Variants in BRAF observed in about 807,000 individuals in gnomAD.
The protein encoded by BRAF is B-Raf proto-oncogene, serine/threonine kinase.
BRAF carries 16 observed loss-of-function variants against 104.6 expected under a neutral mutation model. The observed-to-expected ratio is 0.15, with a 90% CI of 0.10 to 0.23. The LOEUF (loss-of-function observed/expected upper bound fraction) is 0.23. Ranked by LOEUF, BRAF falls within the 10% of genes least tolerant of loss-of-function variation. The pLI is 1.00. For missense variants in BRAF, 541 were observed against 937.3 expected (o/e 0.58, Z 5.52); for synonymous variants, 310 against 341.6 (o/e 0.91, Z 1.02).
At chr7:140,772,618 ACT>A (rs1204849962) in intron 14 of BRAF, among the ~76,000 whole-genome samples, 2 of 151,900 alleles carry the variant, frequency 1.3e-5, no homozygotes, top group South Asian at 2.1e-4. Context: ...GAGGAGTGAG[ACT>A]CTGTCTCAAA....
At chr7:140,877,293 T>TG (rs34320657) in intron 1 of BRAF, among the ~76,000 whole-genome samples, 8,477 of 68,614 alleles carry the variant, frequency 0.12, 496 homozygotes, top group Middle Eastern at 0.16. Context: ...TTTTAAGAGA[T>TG]GGGGGGGGGG....
intron 1 of BRAF, among the ~76,000 whole-genome samples, chr7:140,856,243 C>G (rs887940680): frequency 1.3e-5 from 2 of 151,072 alleles, no homozygotes; most frequent in African/African-American, 4.9e-5. Flanking sequence ...ATAATTGTTA[C>G]GAAAGGTGGG....
intron 8 of BRAF, among the ~76,000 whole-genome samples, chr7:140,788,929 C>T (rs921050532): frequency 2.0e-5 from 3 of 151,334 alleles, no homozygotes; most frequent in African/African-American, 7.3e-5. Context: ...GCTCTTTATG[C>T]GCCGGGTGCG....
chr7:140,924,642 C>T lies in BRAF; in HGVS notation c.62G>A (p.Gly21Glu). 6.8e-7 allele frequency: 1 copy of T among 1,480,036 alleles called. No homozygotes were observed. The highest frequency in any genetic ancestry group is 9.1e-7 in the Non-Finnish European group (1 of 1,100,110). The allele number at this position is 1,480,036 out of a possible 1,614,324, so 91.7% of individuals were successfully genotyped here. A position where few individuals can be genotyped will look rare whatever the true frequency, so the allele number is the denominator to read the frequency against. Residue 21 changes from glycine (G) to glutamate (E), a missense_variant, in exon 1 of 20, where the codon GGG becomes GAG. Coordinates refer to ENST00000644969, the MANE Select transcript of BRAF (RefSeq NM_001374258.1). The surrounding 1 kb of genome is among the most constrained non-coding windows in gnomAD (Gnocchi z 4.2). The part of the protein sequence containing the change: ...GAEPGQALFN[G>E]DMEPEAGAGA... ...GGCGCCGGCCTCGGGCTCCATGTCC[C>T]CGTTGAACAGAGCCTGGCCCGGCTC...
At chr7:140,898,216 A>T (rs568406180) in intron 1 of BRAF, among the ~76,000 whole-genome samples, 44 of 152,294 alleles carry the variant, frequency 2.9e-4, no homozygotes, top group African/African-American at 1.0e-3. Flanking sequence ...AAATAAATAA[A>T]AATACAAATA....
intron 14 of BRAF, among the ~76,000 whole-genome samples, chr7:140,761,426 G>A (rs1798719256): frequency 6.6e-6 from 1 of 152,096 alleles, no homozygotes; most frequent in Non-Finnish European, 1.5e-5. Flanking sequence ...ACCAGCCACT[G>A]CAAAATCATG....
chr7:140,888,367 T>C (rs181221344), intron 1 of BRAF, among the ~76,000 whole-genome samples: 7 of 151,886 alleles, frequency 4.6e-5, no homozygotes, highest in Non-Finnish European at 7.4e-5. Flanking sequence ...ATGGATTATG[T>C]TACCAAGTTT....
intron 3 of BRAF, among the ~76,000 whole-genome samples, chr7:140,810,439 G>A (rs1311728485): frequency 3.3e-5 from 5 of 152,164 alleles, no homozygotes; most frequent in East Asian, 1.9e-4. Context: ...GCAGAGCGGC[G>A]GGCGCCTATA....
intron 17 of BRAF, among the ~76,000 whole-genome samples, chr7:140,742,944 T>C (rs1489230038): frequency 1.3e-5 from 2 of 151,960 alleles, no homozygotes; most frequent in Non-Finnish European, 2.9e-5. Context: ...AAAGAAGACA[T>C]TTATGCAGCC....
chr7:140,735,558 A>AT lies in BRAF; in HGVS notation c.2248-789dup, dbSNP rs1163272462. ...CTTTTGTTATTGTCCTGAGATACCA[A>AT]TTTTTTTTTTTTTTTGAAACGGAGT... On this transcript the variant is annotated intron_variant, in intron 18 of 19. Coordinates refer to ENST00000644969, the MANE Select transcript of BRAF (RefSeq NM_001374258.1). Among the ~76,000 whole-genome samples, 908 of 145,226 alleles carry AT rather than the reference A, an allele frequency of 6.3e-3. 5 individuals carry two copies. Among genetic ancestry groups the AT allele is most frequent in the Non-Finnish European group, 7.3e-3 (479 of 65,582 alleles).
intron 17 of BRAF, among the ~76,000 whole-genome samples, chr7:140,743,531 C>T (rs988179859): frequency 5.3e-5 from 8 of 151,798 alleles, no homozygotes; most frequent in Admixed American, 2.6e-4. Context: ...AATGAGAACA[C>T]GTGGACACAG....
intron 1 of BRAF, among the ~76,000 whole-genome samples, chr7:140,912,190 T>C (rs1354679382): frequency 6.6e-6 from 1 of 152,184 alleles, no homozygotes; most frequent in African/African-American, 2.4e-5. Flanking sequence ...TTTTACTATT[T>C]GTCTCCAGTT....
intron 1 of BRAF, among the ~76,000 whole-genome samples, chr7:140,900,692 C>A (rs184985478): frequency 8.5e-4 from 129 of 152,278 alleles, no homozygotes; most frequent in African/African-American, 2.9e-3. Context: ...CTCACCACAA[C>A]CTTCACCTCC....
At chr7:140,842,452 G>C (rs1808066397) in intron 2 of BRAF, among the ~76,000 whole-genome samples, 1 of 152,168 alleles carries the variant, frequency 6.6e-6, no homozygotes, top group Non-Finnish European at 1.5e-5. Context: ...GGGGACTGTA[G>C]GATTCAACCA....
At chr7:140,863,310 G>A (rs1260570318) in intron 1 of BRAF, among the ~76,000 whole-genome samples, 1 of 152,148 alleles carries the variant, frequency 6.6e-6, no homozygotes, top group Non-Finnish European at 1.5e-5. Context: ...AAAAAGCCAT[G>A]TTTCCAACTA....
rs1438842182 is a variant in BRAF, at chr7:140,723,234, G to C, written c.*3260C>G. The C allele has an allele frequency of 6.6e-6, 7 of 1,054,960 alleles. No individual in the cohort carries two copies. The highest frequency in any genetic ancestry group is 4.6e-5 in the South Asian group (1 of 21,886). The allele number at this position is 1,054,960 out of a possible 1,614,324, so 65.3% of individuals were successfully genotyped here. A position where few individuals can be genotyped will look rare whatever the true frequency, so the allele number is the denominator to read the frequency against. ...CTCGCACTCCGCCTGGTGAATACAA[G>C]GTAACATCCTGTGATGAAAGTGCTG... On this transcript the variant is annotated 3_prime_UTR_variant, in exon 20 of 20. Coordinates refer to ENST00000644969, the MANE Select transcript of BRAF (RefSeq NM_001374258.1).
chr7:140,917,958 A>G (rs893289857), intron 1 of BRAF, among the ~76,000 whole-genome samples: 20 of 152,204 alleles, frequency 1.3e-4, no homozygotes, highest in African/African-American at 4.8e-4. Context: ...AGTATTGTTG[A>G]GGAATTGTGA....
chr7:140,809,487 C>G (rs1733832), intron 3 of BRAF, among the ~76,000 whole-genome samples: 16,936 of 152,078 alleles, frequency 0.11, 1,147 homozygotes, highest in African/African-American at 0.19. Flanking sequence ...TTGTTTGGTG[C>G]CCCTGTTTCC....
chr7:140,765,521 A>C (rs947389996), intron 14 of BRAF, among the ~76,000 whole-genome samples: 12 of 152,108 alleles, frequency 7.9e-5, no homozygotes, highest in African/African-American at 1.4e-4. Context: ...CAACCTACAA[A>C]ATGGGAGAAA....
Sources: allele counts gnomAD v4.1 joint callset (sites outside exome capture counted in the v4.1 genomes callset), GRCh38; gene constraint gnomAD v4.1.1; non-coding constraint Gnocchi (gnomAD v3.1); transcripts MANE v1.5; gene names NCBI Gene and HGNC (gene_info 2026-07-23, HGNC 2026-07-21).